SEMA5A: variants seen among roughly 807,000 people sequenced by gnomAD.
SEMA5A encodes the protein semaphorin 5A.
SEMA5A carries 55 observed loss-of-function variants against 135.5 expected under a neutral mutation model. The observed-to-expected ratio is 0.41, with a 90% CI of 0.33 to 0.51. The LOEUF (loss-of-function observed/expected upper bound fraction) is 0.51. Ranked by LOEUF, SEMA5A falls within the 20% of genes least tolerant of loss-of-function variation. The pLI is 0.37. For synonymous variants in SEMA5A, 580 were observed against 546.5 expected (o/e 1.06, Z -0.85); for missense variants, 1,290 against 1,419.9 (o/e 0.91, Z 1.47).
chr5:9,480,218 A>G (rs1343811572), intron 1 of SEMA5A, among the ~76,000 whole-genome samples: 1 of 152,236 alleles, frequency 6.6e-6, no homozygotes, highest in Non-Finnish European at 1.5e-5. Context: ...CACTTCCAGT[A>G]AAAACCAATG....
intron 12 of SEMA5A, among the ~76,000 whole-genome samples, chr5:9,137,590 C>A (rs999843034): frequency 2.0e-5 from 3 of 152,078 alleles, no homozygotes; most frequent in African/African-American, 7.2e-5. Context: ...GGGCAGGAAG[C>A]AGATGTGAGG....
chr5:9,045,682 GAAAT>G (rs1186857683), intron 21 of SEMA5A: 1 of 152,158 alleles, frequency 6.6e-6, no homozygotes, highest in Non-Finnish European at 1.5e-5. Flanking sequence ...TTACTAAAAA[GAAAT>G]AAGGGATTTG....
At chr5:9,434,377 T>C (rs1757959520) in intron 2 of SEMA5A, among the ~76,000 whole-genome samples, 1 of 152,168 alleles carries the variant, frequency 6.6e-6, no homozygotes, top group African/African-American at 2.4e-5. Flanking sequence ...TGAATTTTCC[T>C]CTTCTTTTAT....
intron 16 of SEMA5A, among the ~76,000 whole-genome samples, chr5:9,084,098 A>G (rs969996491): frequency 6.6e-6 from 1 of 152,224 alleles, no homozygotes; most frequent in Non-Finnish European, 1.5e-5. Context: ...ATCAAAGAAA[A>G]TAAAAGACCT....
At chr5:9,131,746 A>G (rs1039708439) in intron 13 of SEMA5A, among the ~76,000 whole-genome samples, 1 of 151,558 alleles carries the variant, frequency 6.6e-6, no homozygotes, top group Admixed American at 6.6e-5. Context: ...CCCATGACCT[A>G]AACACCTCCC....
At chr5:9,216,669 T>G (rs1234042055) in intron 8 of SEMA5A, among the ~76,000 whole-genome samples, 1 of 152,238 alleles carries the variant, frequency 6.6e-6, no homozygotes, top group Non-Finnish European at 1.5e-5. Flanking sequence ...TGCTACTGTG[T>G]TGTGTGCATA....
At chr5:9,403,109 C>T (rs767692010) in intron 2 of SEMA5A, among the ~76,000 whole-genome samples, 5 of 152,160 alleles carry the variant, frequency 3.3e-5, no homozygotes, top group South Asian at 4.2e-4. Flanking sequence ...TTATGAAGAT[C>T]CACTACAAAT....
chr5:9,133,459 T>C (rs1382970409), intron 13 of SEMA5A, among the ~76,000 whole-genome samples: 2 of 152,216 alleles, frequency 1.3e-5, no homozygotes, highest in Non-Finnish European at 2.9e-5. Flanking sequence ...TATCTTGATA[T>C]GTGATAAAAT....
intron 16 of SEMA5A, among the ~76,000 whole-genome samples, chr5:9,075,258 T>C (rs959603738): frequency 6.6e-6 from 1 of 152,216 alleles, no homozygotes; most frequent in African/African-American, 2.4e-5. Context: ...ATTTGAAAAC[T>C]GTTTGATACT....
At chr5:9,160,642 A>T (rs915980437) in intron 11 of SEMA5A, among the ~76,000 whole-genome samples, 1 of 151,538 alleles carries the variant, frequency 6.6e-6, no homozygotes, top group African/African-American at 2.4e-5. Flanking sequence ...AACAATTCTT[A>T]ATATATATAT....
intron 6 of SEMA5A, among the ~76,000 whole-genome samples, chr5:9,237,499 G>A (rs1747973227): frequency 6.6e-6 from 1 of 152,060 alleles, no homozygotes; most frequent in African/African-American, 2.4e-5. Flanking sequence ...AAGTAAGAAA[G>A]GAGGAATTTA....
intron 15 of SEMA5A, among the ~76,000 whole-genome samples, chr5:9,114,332 C>G (rs1209484655): frequency 6.6e-6 from 1 of 152,056 alleles, no homozygotes; most frequent in African/African-American, 2.4e-5. Context: ...TATTGCTTAA[C>G]AATTACAGAG....
intron 6 of SEMA5A, among the ~76,000 whole-genome samples, chr5:9,227,496 T>A (rs1163119790): frequency 1.3e-5 from 2 of 152,124 alleles, no homozygotes; most frequent in Non-Finnish European, 2.9e-5. Context: ...TGGAGCAAAT[T>A]TTACTTTATG....
intron 5 of SEMA5A, among the ~76,000 whole-genome samples, chr5:9,287,284 A>C (rs555633078): frequency 6.6e-5 from 10 of 152,344 alleles, no homozygotes; most frequent in Middle Eastern, 3.4e-3. Context: ...ATATCTGTTA[A>C]GTAACTTTGG....
chr5:9,236,939 C>A (rs1371476187), intron 6 of SEMA5A, among the ~76,000 whole-genome samples: 1 of 152,138 alleles, frequency 6.6e-6, no homozygotes, highest in African/African-American at 2.4e-5. Context: ...ACATAACACT[C>A]TTTTATAAAT....
At chr5:9,158,257 A>G (rs947270247) in intron 11 of SEMA5A, among the ~76,000 whole-genome samples, 1 of 152,192 alleles carries the variant, frequency 6.6e-6, no homozygotes, top group East Asian at 1.9e-4. Context: ...TGAAGGTGAA[A>G]CAACAAACAT....
intron 4 of SEMA5A, among the ~76,000 whole-genome samples, chr5:9,332,430 G>A (rs1753188618): frequency 6.6e-6 from 1 of 151,290 alleles, no homozygotes; most frequent in South Asian, 2.1e-4. Flanking sequence ...GCAGCTTTAG[G>A]CTAGTACTCA....
chr5:9,051,843 A>C (rs535080168), intron 20 of SEMA5A, 30 bp downstream of exon 20: 2 of 1,613,746 alleles, frequency 1.2e-6, no homozygotes, highest in South Asian at 2.2e-5. Flanking sequence ...AAATGATTTT[A>C]TTCTTACTGA....
rs200858573 is a variant in SEMA5A, at chr5:9,349,929, A to AC, written c.125-12118_125-12117insG. ...AAAAACAAAACAAACAAACAAACAA[A>AC]AAAAAAACATGCTATCAAAATAAAA... On this transcript the variant is annotated intron_variant, in intron 3 of 22. Transcript: ENST00000382496. Among the ~76,000 whole-genome samples the AC allele has an allele frequency of 3.7e-3, 566 of 152,180 alleles. 6 individuals are homozygous for AC. Among genetic ancestry groups the AC allele is most frequent in the East Asian group, 0.026 (132 of 5,174 alleles).
Sources: gnomAD v4.1 joint callset for allele counts (sites outside exome capture counted in the v4.1 genomes callset) on GRCh38, gnomAD v4.1.1 for gene constraint, MANE v1.5 for transcripts, NCBI Gene and HGNC (gene_info 2026-07-23, HGNC 2026-07-21) for gene names.